NDOR1: variants seen among roughly 807,000 people sequenced by gnomAD.
NDOR1 encodes NADPH-dependent diflavin oxidoreductase 1.
NDOR1 carries 61 observed loss-of-function variants against 67.2 expected under a neutral mutation model. That is an observed-to-expected ratio of 0.91 (90% CI 0.74 to 1.12). The LOEUF (loss-of-function observed/expected upper bound fraction) is 1.12. Among genes scored for constraint, NDOR1 ranks in the 50% most tolerant of loss-of-function variants. NDOR1 has a pLI of 0.00. For missense variants in NDOR1, 878 were observed against 802.8 expected, an observed-to-expected ratio of 1.09 and a Z score of -1.13; for synonymous variants, 378 against 343.7, an observed-to-expected ratio of 1.10 and a Z score of -1.10.
chr9:137,218,207 C>T lies in NDOR1; in HGVS notation c.*1791C>T, dbSNP rs1007046531. The T allele has an allele frequency of 2.8e-5, 11 of 398,318 alleles. No homozygotes were observed. The highest frequency in any genetic ancestry group is 2.5e-4 in the South Asian group (2 of 7,878). The allele number at this position is 398,318 out of a possible 1,614,324, so 24.7% of individuals were successfully genotyped here. Reference sequence around the variant, plus strand: ...CTCCAGTGCCGACCTGGGCCGGGTGCGCTGCCCGCTGTGCCGCCAGAAGAC... The same window carrying T: ...CTCCAGTGCCGACCTGGGCCGGGTGTGCTGCCCGCTGTGCCGCCAGAAGAC... On this transcript the variant is annotated 3_prime_UTR_variant, in exon 14 of 14. Transcript: ENST00000684003.
At chr9:137,214,523 A>G (rs1377595777) in intron 6 of NDOR1, 47 bp from the exon 7 acceptor site, 1 of 1,609,302 alleles carries the variant, frequency 6.2e-7, no homozygotes, top group Admixed American at 1.7e-5. Context: ...GGGCCCCGAC[A>G]TCCTCCCTGC....
At position 137,206,302 on chromosome 9, in the gene NDOR1, A is replaced by G; in HGVS notation, c.206A>G (p.Asn69Ser). The G allele has an allele frequency of 6.2e-7, 1 of 1,613,936 alleles. No homozygotes were observed. The highest frequency in any genetic ancestry group is 8.5e-7 in the Non-Finnish European group (1 of 1,179,956). ...ATTGQGDPPD[N>S]MKNFWRFIFR... Reference sequence around the variant, plus strand: ...ACAGGCCAAGGAGACCCCCCTGACAACATGAAGGTAAGGCTGGCCTGATGT... The same window carrying G: ...ACAGGCCAAGGAGACCCCCCTGACAGCATGAAGGTAAGGCTGGCCTGATGT... Residue 69 changes from asparagine (N) to serine (S), a missense_variant, in exon 2 of 14, where the codon AAC becomes AGC. Asn to Ser is a conservative substitution (Grantham distance 46). Coordinates refer to ENST00000684003, the MANE Select transcript of NDOR1 (RefSeq NM_014434.4).
intron 2 of NDOR1, among the ~76,000 whole-genome samples, chr9:137,207,936 A>C (rs1235441051): frequency 6.6e-6 from 1 of 151,872 alleles, no homozygotes; most frequent in Non-Finnish European, 1.5e-5. Flanking sequence ...CGAGGTCAGG[A>C]GTTCGAGACC....
chr9:137,214,441 C>T (rs377723853), intron 6 of NDOR1, 28 bp downstream of exon 6: 12 of 1,593,160 alleles, frequency 7.5e-6, no homozygotes, highest in Admixed American at 1.8e-5. Context: ...CCGAGGAGGG[C>T]AAGGTGAGGT....
At chr9:137,213,697 CTCCACTCTCCCGGGT>C (rs1835372113) in intron 3 of NDOR1, 68 bp from the exon 4 acceptor site, 8 of 1,373,778 alleles carry the variant, frequency 5.8e-6, no homozygotes, top group Non-Finnish European at 7.0e-6. Flanking sequence ...TTCGCCCGGG[CTCCACTCTCCCGGGT>C]TCCACTCTGC....
intron 2 of NDOR1, among the ~76,000 whole-genome samples, chr9:137,211,741 T>A (rs1309746839): frequency 6.6e-6 from 1 of 151,872 alleles, no homozygotes; most frequent in Non-Finnish European, 1.5e-5. Flanking sequence ...GGGTCAGAGC[T>A]GTGGGCTGAC....
Position 137,215,978 on chromosome 9 carries a change from G to C in NDOR1, c.1515G>C (p.Arg505=), listed in dbSNP as rs1835567590. 1 of 1,613,360 alleles carries C rather than the reference G, an allele frequency of 6.2e-7. No homozygotes were observed. Among genetic ancestry groups the C allele is most frequent in the Non-Finnish European group, 8.5e-7 (1 of 1,179,994 alleles). ...WEAEWQELEK[R]DCLTLIPAFS... ...CTGAGTGGCAGGAGCTGGAGAAGCGGGACTGTCTGACCCTCATCCCTGCCT... is the reference window on the plus strand; with the variant it reads ...CTGAGTGGCAGGAGCTGGAGAAGCGCGACTGTCTGACCCTCATCCCTGCCT... Residue 505 remains arginine (R), a synonymous_variant, in exon 12 of 14, where the codon CGG becomes CGC. Transcript: ENST00000684003.
At chr9:137,210,781 A>T (rs1835216107) in intron 2 of NDOR1, among the ~76,000 whole-genome samples, 1 of 152,088 alleles carries the variant, frequency 6.6e-6, no homozygotes, top group African/African-American at 2.4e-5. Context: ...CAGAAGGTCA[A>T]GGCTGCAGTG....
At chr9:137,213,935 C>T in intron 4 of NDOR1, 32 bp from the exon 5 acceptor site, 1 of 1,580,332 alleles carries the variant, frequency 6.3e-7, no homozygotes, top group Non-Finnish European at 8.6e-7. Flanking sequence ...CACGCAGGGT[C>T]CGCTCAGGCC....
intron 2 of NDOR1, among the ~76,000 whole-genome samples, chr9:137,211,025 C>T (rs1162939643): frequency 6.6e-6 from 1 of 152,158 alleles, no homozygotes; most frequent in Non-Finnish European, 1.5e-5. Flanking sequence ...CCTGTAATCC[C>T]AGCTACTTGG....
At position 137,217,154 on chromosome 9, in the gene NDOR1, GC is replaced by G. The variant is rs1299679274; in HGVS notation, c.*741del. On this transcript the variant is annotated 3_prime_UTR_variant, in exon 14 of 14. Transcript: ENST00000684003. Reference sequence around the variant, plus strand: ...TGGGCGTCCTCTAGCTCCTCCCGGTGCCCTGGGTGCTGGGTGCTGGATGGGT... The same window carrying G: ...TGGGCGTCCTCTAGCTCCTCCCGGTGCCTGGGTGCTGGGTGCTGGATGGGT... The G allele has an allele frequency of 5.3e-6, 1 of 188,542 alleles. No homozygotes were observed. The highest frequency in any genetic ancestry group is 1.1e-5 in the Non-Finnish European group (1 of 90,882). The allele number at this position is 188,542 out of a possible 1,614,324, so 11.7% of individuals were successfully genotyped here.
At chr9:137,209,666 G>A (rs888868387) in intron 2 of NDOR1, among the ~76,000 whole-genome samples, 2 of 152,204 alleles carry the variant, frequency 1.3e-5, no homozygotes, top group Non-Finnish European at 2.9e-5. Context: ...TCCATCCACA[G>A]CGAAACAGGA....
Position 137,212,557 on chromosome 9 carries a change from T to C in NDOR1, c.269T>C (p.Met90Thr), listed in dbSNP as rs1175886900. 6.2e-7 allele frequency: 1 copy of C among 1,614,092 alleles called. No homozygotes were observed. Among genetic ancestry groups the C allele is most frequent in the Admixed American group, 1.7e-5 (1 of 60,020 alleles). The change falls in exon 3 of 14, where the codon ATG becomes ACG. Residue 90 changes from methionine to threonine, a missense_variant. Coordinates refer to ENST00000684003, the MANE Select transcript of NDOR1 (RefSeq NM_014434.4). This position sits in a 1 kb window ranked among gnomAD's most constrained non-coding sequence, Gnocchi z 4.3. ...KNLPSTALCQMDFAVLGLGDS... is the reference protein window; with the variant it reads ...KNLPSTALCQTDFAVLGLGDS... ...CTGCCCTCCACTGCCCTCTGTCAGA[T>C]GGACTTTGCCGTCCTGGGCCTCGGG...
chr9:137,218,405 C>T lies in NDOR1; in HGVS notation c.*1989C>T, dbSNP rs1460934585. The T allele has an allele frequency of 1.8e-5, 7 of 398,166 alleles. No individual in the cohort carries two copies. The highest frequency in any genetic ancestry group is 1.3e-4 in the South Asian group (1 of 7,868). The allele number at this position is 398,166 out of a possible 1,614,324, so 24.7% of individuals were successfully genotyped here. Reference sequence around the variant, plus strand: ...CTTCCTGGCAGGGCCCGTGGGCGGCCGGGGCTGCCTGCCCTTCCTGCCCTG... The same window carrying T: ...CTTCCTGGCAGGGCCCGTGGGCGGCTGGGGCTGCCTGCCCTTCCTGCCCTG... On this transcript the variant is annotated 3_prime_UTR_variant, in exon 14 of 14. Coordinates refer to ENST00000684003, the MANE Select transcript of NDOR1 (RefSeq NM_014434.4).
At position 137,218,884 on chromosome 9, in the gene NDOR1, G is replaced by A. The variant is rs186224754; in HGVS notation, c.*2468G>A. ...GCTCCTGGAGGAGGCCAGCCCAGCAGGAAAGTCTGTGAGCAGGACCCCATT... is the reference window on the plus strand; with the variant it reads ...GCTCCTGGAGGAGGCCAGCCCAGCAAGAAAGTCTGTGAGCAGGACCCCATT... On this transcript the variant is annotated 3_prime_UTR_variant, in exon 14 of 14. Transcript: ENST00000684003. 2.7e-6 allele frequency: 1 copy of A among 369,004 alleles called. No individual in the cohort carries two copies. The highest frequency in any genetic ancestry group is 4.6e-5 in the Admixed American group (1 of 21,732). The allele number at this position is 369,004 out of a possible 1,614,324, so 22.9% of individuals were successfully genotyped here.
At chr9:137,206,552 A>G (rs187380177) in intron 2 of NDOR1, among the ~76,000 whole-genome samples, 11 of 152,276 alleles carry the variant, frequency 7.2e-5, no homozygotes, top group African/African-American at 2.4e-4. Context: ...GGCTATCTAT[A>G]TGTGCATCTA....
chr9:137,214,682 C>T lies in NDOR1; in HGVS notation c.835C>T (p.Arg279Trp), dbSNP rs138437106. Residue 279 changes from arginine to tryptophan, a missense_variant, in exon 7 of 14, where the codon CGG (arginine) becomes TGG (tryptophan). By Grantham distance (101) the Arg-to-Trp change is moderately radical (BLOSUM62 -3). Transcript: ENST00000684003. Reference sequence around the variant, plus strand: ...TGACCAGCTCTTCATGCTGCAGCCGCGGGAGCCAGGTGAGCCCAGCCTCGG... The same window carrying T: ...TGACCAGCTCTTCATGCTGCAGCCGTGGGAGCCAGGTGAGCCCAGCCTCGG... ...DPDQLFMLQP[R>W]EPDVSSPTRL... The T allele has an allele frequency of 8.7e-5, 139 of 1,603,546 alleles. No homozygotes were observed. Among genetic ancestry groups the T allele is most frequent in the Non-Finnish European group, 1.1e-4 (131 of 1,179,840 alleles).
intron 2 of NDOR1, among the ~76,000 whole-genome samples, chr9:137,211,575 T>C (rs1335097723): frequency 6.6e-6 from 1 of 150,582 alleles, no homozygotes; most frequent in Non-Finnish European, 1.5e-5. Flanking sequence ...GGGAAGAGAG[T>C]CTTTTGGGAT....
Position 137,215,898 on chromosome 9 carries a change from G to C in NDOR1, c.1436-1G>C, listed in dbSNP as rs753908566. ...GCCAAGAGCACCCTGTATTTCCCTA[G>C]GAAACTTCTTGTTTTTTGGCTGCCG... On this transcript the variant is annotated splice_acceptor_variant, in intron 11 of 13. Transcript: ENST00000684003. LOFTEE classifies it high-confidence loss of function. 5 of 1,613,430 alleles carry C rather than the reference G, an allele frequency of 3.1e-6. No individual in the cohort carries two copies. The highest frequency in any genetic ancestry group is 2.5e-6 in the Non-Finnish European group (3 of 1,179,988).
Sources: allele counts gnomAD v4.1 joint callset (sites outside exome capture counted in the v4.1 genomes callset), GRCh38; gene constraint gnomAD v4.1.1; non-coding constraint Gnocchi (gnomAD v3.1); transcripts MANE v1.5; gene names NCBI Gene and HGNC (gene_info 2026-07-23, HGNC 2026-07-21).